Variants in VWF observed in about 807,000 individuals in gnomAD.
VWF encodes the protein von Willebrand factor.
Under a neutral mutation model 308.6 loss-of-function variants are expected in VWF, and 176 were observed. The observed-to-expected ratio is 0.57, with a 90% CI of 0.50 to 0.65. The LOEUF is 0.65. Ranked by LOEUF, VWF falls within the 30% of genes least tolerant of loss-of-function variation. VWF has a pLI of 0.00. For synonymous variants in VWF, 1,385 were observed against 1,443.4 expected (o/e 0.96, Z 0.92); for missense variants, 3,146 against 3,648.2 (o/e 0.86, Z 3.55).
intron 33 of VWF, 117 bp downstream of exon 33, chr12:6,011,970 G>T (rs1301141853): frequency 2.5e-5 from 35 of 1,409,406 alleles, no homozygotes; most frequent in Non-Finnish European, 3.5e-5. Flanking sequence ...GCAAAAACAA[G>T]ATAATAGTAA....
At position 6,073,527 on chromosome 12, in the gene VWF, G is replaced by C. The variant is rs533695379; in HGVS notation, c.997+92C>G. 1.8e-4 allele frequency: 288 copies of C among 1,571,820 alleles called. 5 individuals are homozygous for C. The South Asian group carries it at 2.9e-3, about 16-fold the overall frequency. On this transcript the variant is annotated intron_variant, in intron 8 of 51. Coordinates refer to ENST00000261405, the MANE Select transcript of VWF (RefSeq NM_000552.5). ...TAAAAGGCTTCTGATTTCAGCAACG[G>C]GGAGCAAACACAAGTGGCCTTCATC...
intron 11 of VWF, 27 bp downstream of exon 11, chr12:6,065,110 A>AC: frequency 6.2e-7 from 1 of 1,613,998 alleles, no homozygotes; most frequent in Non-Finnish European, 8.5e-7. Context: ...CTACCACCCG[A>AC]CCAGCAGCCG....
chr12:5,977,394 C>T (rs1176385878), intron 42 of VWF, among the ~76,000 whole-genome samples: 1 of 151,878 alleles, frequency 6.6e-6, no homozygotes, highest in African/African-American at 2.4e-5. Context: ...GAGTACTATG[C>T]AGCTATAAGA....
rs367638908 is a variant in VWF, at chr12:6,019,065, G to A, written c.4353C>T (p.Asp1451=). 109 of 1,613,692 alleles carry A rather than the reference G, an allele frequency of 6.8e-5. No individual in the cohort carries two copies. The highest frequency in any genetic ancestry group is 1.2e-4 in the Admixed American group (7 of 59,974). The change falls in exon 28 of 52, where the codon GAC becomes GAT. Residue 1451 remains aspartate, a synonymous_variant. Coordinates refer to ENST00000261405, the MANE Select transcript of VWF (RefSeq NM_000552.5). The surrounding 1 kb of genome is among the most constrained non-coding windows in gnomAD (Gnocchi z 5.8). ...SSVDELEQQR[D]EIVSYLCDLA... ...GGTCACAGAGGTAGCTAACGATCTC[G>A]TCCCTTTGCTGCTCCAGCTCATCCA...
intron 5 of VWF, among the ~76,000 whole-genome samples, chr12:6,096,748 A>G (rs1358800447): frequency 2.0e-5 from 3 of 152,186 alleles, no homozygotes; most frequent in Non-Finnish European, 2.9e-5. Flanking sequence ...GTGGACCTAC[A>G]TGGCCTAGTG....
chr12:6,092,616 AGAGTGTGT>A lies in VWF; in HGVS notation c.657+2836_657+2843del, dbSNP rs776235015. On this transcript the variant is annotated intron_variant, in intron 6 of 51. Coordinates refer to ENST00000261405, the MANE Select transcript of VWF (RefSeq NM_000552.5). ...TGCCCAGCTAGTTAGTGAGTGAGTG[AGAGTGTGT>A]GTGTGTGTGTGTGTGTGTGTGTGTG... is the stretch of plus-strand genomic sequence containing the variant. Among the ~76,000 whole-genome samples the A allele has an allele frequency of 2.8e-3, 268 of 96,670 alleles. 9 individuals carry two copies. The highest frequency in any genetic ancestry group is 3.9e-3 in the Non-Finnish European group (189 of 48,278). The allele number at this position is 96,670 out of a possible 152,430, so 63.4% of individuals were successfully genotyped here.
At chr12:6,056,746 T>C (rs1395464383) in intron 15 of VWF, 111 bp downstream of exon 15, 8 of 961,996 alleles carry the variant, frequency 8.3e-6, no homozygotes, top group African/African-American at 1.7e-5. Context: ...TTTGTCACAA[T>C]GCCCTACGCC....
In VWF at chr12:6,063,172, G is replaced by T; in HGVS notation, c.1433-118C>A. On this transcript the variant is annotated intron_variant, in intron 12 of 51. Coordinates refer to ENST00000261405, the MANE Select transcript of VWF (RefSeq NM_000552.5). This position sits in a 1 kb window ranked among gnomAD's most constrained non-coding sequence, Gnocchi z 4.9. ...AAGGATGGTAGCACTGAAGAGCAAT[G>T]ACTTAGGGGCAGATGGGGTGGCCAT... 3 of 848,718 alleles carry T rather than the reference G, an allele frequency of 3.5e-6. No individual in the cohort carries two copies. In the South Asian group the frequency reaches 4.3e-5, roughly 12 times the overall value. 52.6% of individuals were successfully genotyped at this position (848,718 alleles called of 1,614,324 possible). A position where few individuals can be genotyped will look rare whatever the true frequency, so the allele number is the denominator to read the frequency against.
At position 6,075,833 on chromosome 12, in the gene VWF, G is replaced by A. The variant is rs1246167317; in HGVS notation, c.658-282C>T. 6.6e-6 allele frequency among the ~76,000 whole-genome samples: 1 copy of A among 152,228 alleles called. No individual in the cohort carries two copies. Among genetic ancestry groups the A allele is most frequent in the Non-Finnish European group, 1.5e-5 (1 of 68,040 alleles). ...ATTGCCATGGTGGGCAGTGTCCTAG[G>A]AACGGACAGAGGATGGAGAGAAGCA... On this transcript the variant is annotated intron_variant, in intron 6 of 51. Coordinates refer to ENST00000261405, the MANE Select transcript of VWF (RefSeq NM_000552.5). The surrounding 1 kb of genome is among the most constrained non-coding windows in gnomAD (Gnocchi z 4.7).
chr12:6,053,849 C>T (rs1240826760), intron 15 of VWF, among the ~76,000 whole-genome samples: 11 of 152,164 alleles, frequency 7.2e-5, no homozygotes. Flanking sequence ...GGAAACAGCC[C>T]CAGCTCAGCG....
At position 6,073,679 on chromosome 12, in the gene VWF, G is replaced by A. The variant is rs1488332900; in HGVS notation, c.937C>T (p.Gln313Ter). The A allele has an allele frequency of 1.2e-6, 2 of 1,614,054 alleles. No individual in the cohort carries two copies. Among genetic ancestry groups the A allele is most frequent in the Non-Finnish European group, 8.5e-7 (1 of 1,180,010 alleles). ...CACATTTCATTGATGTGCAGGCTCT[G>A]GCAGGTCCTGGCGCAAGGGGACACA... is the stretch of plus-strand genomic sequence containing the variant. The part of the protein sequence containing the change: ...QCVSPCARTC[Q>*]SLHINEMCQE... The change falls in exon 8 of 52, where the codon CAG (glutamine) becomes TAG (stop). Residue 313 changes from glutamine (Q) to a stop codon, truncating the protein, a stop_gained. Transcript: ENST00000261405. LOFTEE classifies it high-confidence loss of function.
At chr12:6,118,064 G>A (rs989489423) in intron 3 of VWF, among the ~76,000 whole-genome samples, 3 of 152,170 alleles carry the variant, frequency 2.0e-5, no homozygotes, top group Non-Finnish European at 2.9e-5. Flanking sequence ...GGAGGTGACC[G>A]AGACAGCCCA....
In VWF at chr12:5,993,928, C is replaced by A. The variant is rs34230288; in HGVS notation, c.6532G>T (p.Ala2178Ser). 0.019 allele frequency: 29,925 copies of A among 1,613,996 alleles called. 339 individuals are homozygous for A. The highest frequency in any genetic ancestry group is 0.023 in the Non-Finnish European group (27,356 of 1,180,008). The change falls in exon 37 of 52, where the codon GCC becomes TCC. Residue 2178 changes from alanine (A) to serine (S), a missense_variant. Around this residue, in one of 3 missense-constraint regions of VWF, gnomAD observed 989 missense variants for 1,117.4 expected, o/e 0.89. Coordinates refer to ENST00000261405, the MANE Select transcript of VWF (RefSeq NM_000552.5). ...CHQEQVCEVI[A>S]SYAHLCRTNG... Reference sequence around the variant, plus strand: ...GTCCGACAGAGGTGGGCATAAGAGGCGATCACCTCACACACTTGCTCCTGG... The same window carrying A: ...GTCCGACAGAGGTGGGCATAAGAGGAGATCACCTCACACACTTGCTCCTGG...
At chr12:6,050,538 A>C (rs1944496855) in intron 16 of VWF, among the ~76,000 whole-genome samples, 1 of 152,006 alleles carries the variant, frequency 6.6e-6, no homozygotes, top group African/African-American at 2.4e-5. Flanking sequence ...AGACCCCTGA[A>C]CCTCATCCCA....
chr12:6,008,369 T>G (rs957448133), intron 34 of VWF, among the ~76,000 whole-genome samples: 4 of 152,130 alleles, frequency 2.6e-5, no homozygotes, highest in African/African-American at 9.7e-5. Flanking sequence ...GCTCAACGTC[T>G]AAAAATCAAT....
At chr12:5,990,680 A>G (rs61909704) in intron 38 of VWF, among the ~76,000 whole-genome samples, 8,926 of 151,892 alleles carry the variant, frequency 0.059, 365 homozygotes, top group Middle Eastern at 0.092. Context: ...TATCACTGTC[A>G]AGCATGAAGG....
At chr12:6,072,936 G>A (rs1241912961) in intron 8 of VWF, among the ~76,000 whole-genome samples, 1 of 150,994 alleles carries the variant, frequency 6.6e-6, no homozygotes, top group Non-Finnish European at 1.5e-5. Flanking sequence ...GTGCGATCTC[G>A]GTTCACTGCA....
intron 22 of VWF, among the ~76,000 whole-genome samples, chr12:6,026,674 G>A (rs567861857): frequency 1.2e-4 from 19 of 152,272 alleles, no homozygotes; most frequent in Non-Finnish European, 2.2e-4. Context: ...ACAAAGAGGA[G>A]GGATAAGTTC....
At position 6,060,587 on chromosome 12, in the gene VWF, A is replaced by G. The variant is rs116702577; in HGVS notation, c.1533+2367T>C. Among the ~76,000 whole-genome samples, 1,301 of 152,280 alleles carry G rather than the reference A, an allele frequency of 8.5e-3. 21 individuals are homozygous for G. Among genetic ancestry groups the G allele is most frequent in the African/African-American group, 0.03 (1,228 of 41,538 alleles). On this transcript the variant is annotated intron_variant, in intron 13 of 51. Transcript: ENST00000261405. The surrounding 1 kb of genome is among the most constrained non-coding windows in gnomAD (Gnocchi z 5.1). ...TTCCATGAGCCCCAGGAATCTGTGT[A>G]AAGAAAAAGAAAAAAGAAAAATATA...
Sources: gnomAD v4.1 joint callset for allele counts (sites outside exome capture counted in the v4.1 genomes callset) on GRCh38, gnomAD v4.1.1 for gene constraint, gnomAD v4.1.1 regional missense constraint, Gnocchi (gnomAD v3.1) non-coding constraint, MANE v1.5 for transcripts, NCBI Gene and HGNC (gene_info 2026-07-23, HGNC 2026-07-21) for gene names.